ENPP1: variants seen among roughly 807,000 people sequenced by gnomAD.
ENPP1 encodes ectonucleotide pyrophosphatase/phosphodiesterase family member 1.
ENPP1 carries 73 observed loss-of-function variants against 122.8 expected under a neutral mutation model. The observed-to-expected ratio is 0.59, with a 90% CI of 0.49 to 0.72. The LOEUF is 0.72. Ranked by LOEUF, ENPP1 falls within the 30% of genes least tolerant of loss-of-function variation. The pLI, the probability that ENPP1 is intolerant of heterozygous loss-of-function variation, is 0.00. For missense variants in ENPP1, 978 were observed against 1,128.1 expected (o/e 0.87, Z 1.91); for synonymous variants, 367 against 391.6 (o/e 0.94, Z 0.74).
intron 11 of ENPP1, among the ~76,000 whole-genome samples, chr6:131,867,225 G>A (rs934562422): frequency 6.6e-6 from 1 of 152,162 alleles, no homozygotes; most frequent in Admixed American, 6.6e-5. Context: ...CAGTGAAAGA[G>A]CTTATCTCAT....
intron 21 of ENPP1, 149 bp from the exon 22 acceptor site, chr6:131,883,545 A>G (rs759747749): frequency 1.0e-4 from 54 of 541,024 alleles, no homozygotes; most frequent in Non-Finnish European, 1.7e-4. Context: ...AACACATTAC[A>G]TTTTCCCTTG....
intron 18 of ENPP1, 119 bp from the exon 19 acceptor site, chr6:131,878,423 C>T: frequency 4.1e-6 from 3 of 735,394 alleles, no homozygotes; most frequent in South Asian, 3.0e-5. Flanking sequence ...TCCACTAATA[C>T]AAGACTATCA....
chr6:131,876,695 A>C (rs1186810636), intron 17 of ENPP1, among the ~76,000 whole-genome samples: 1 of 152,212 alleles, frequency 6.6e-6, no homozygotes, highest in Admixed American at 6.5e-5. Flanking sequence ...AATAAATAAG[A>C]AAATATGTTA....
At position 131,895,000 on chromosome 6, in the gene ENPP1, C is replaced by CATTA; in HGVS notation, c.*4491_*4494dup. ...CTTTTCACATGAGTGCTTTCATAAG[C>CATTA]ATTAAGTAAAATTTTATAATGACTG... On this transcript the variant is annotated 3_prime_UTR_variant, in exon 25 of 25. Coordinates refer to ENST00000647893, the MANE Select transcript of ENPP1 (RefSeq NM_006208.3). 1 of 152,328 alleles carries CATTA rather than the reference C, an allele frequency of 6.6e-6. No homozygotes were observed. Among genetic ancestry groups the CATTA allele is most frequent in the East Asian group, 1.9e-4 (1 of 5,190 alleles). 9.4% of individuals were successfully genotyped at this position (152,328 alleles called of 1,614,324 possible).
chr6:131,888,235 CTTT>C (rs58493790), intron 24 of ENPP1, among the ~76,000 whole-genome samples: 3 of 139,458 alleles, frequency 2.2e-5, no homozygotes, highest in Admixed American at 7.2e-5. Flanking sequence ...CCTACATTTC[CTTT>C]TTTTTTTTTT....
intron 4 of ENPP1, 146 bp from the exon 5 acceptor site, chr6:131,852,029 T>C (rs1160475950): frequency 3.3e-6 from 2 of 607,522 alleles, no homozygotes; most frequent in Admixed American, 5.5e-5. Context: ...TCTTTATTGA[T>C]TATACACCTC....
chr6:131,874,253 A>G lies in ENPP1; in HGVS notation c.1566-15A>G, dbSNP rs1782199430. 8 of 1,431,926 alleles carry G rather than the reference A, an allele frequency of 5.6e-6. No individual in the cohort carries two copies. The highest frequency in any genetic ancestry group is 2.3e-5 in the East Asian group (1 of 43,882). 88.7% of individuals were successfully genotyped at this position (1,431,926 alleles called of 1,614,324 possible). A position where few individuals can be genotyped will look rare whatever the true frequency, so the allele number is the denominator to read the frequency against. On this transcript the variant is annotated splice_polypyrimidine_tract_variant and intron_variant, in intron 15 of 24. Coordinates refer to ENST00000647893, the MANE Select transcript of ENPP1 (RefSeq NM_006208.3). ...AAAGGACTTTACATTTTTAATTCAT[A>G]TATGTCAACATTAGGAATCCCTCAG...
At chr6:131,886,358 T>C (rs1198344701) in intron 23 of ENPP1, among the ~76,000 whole-genome samples, 1 of 152,318 alleles carries the variant, frequency 6.6e-6, no homozygotes, top group Non-Finnish European at 1.5e-5. Context: ...TAAAAATTAT[T>C]TGGAGTGTGT....
chr6:131,885,153 T>C, intron 23 of ENPP1, 90 bp downstream of exon 23: 1 of 1,252,758 alleles, frequency 8.0e-7, no homozygotes, highest in Non-Finnish European at 1.2e-6. Context: ...GAACCTTTTT[T>C]ATCCAGTGTC....
intron 1 of ENPP1, among the ~76,000 whole-genome samples, chr6:131,843,315 T>G (rs1781764033): frequency 1.3e-5 from 2 of 152,238 alleles, no homozygotes; most frequent in African/African-American, 4.8e-5. Flanking sequence ...GTCATACTTT[T>G]GTTTCAGTTC....
At chr6:131,844,948 T>C (rs1781787419) in intron 1 of ENPP1, among the ~76,000 whole-genome samples, 1 of 152,018 alleles carries the variant, frequency 6.6e-6, no homozygotes, top group South Asian at 2.1e-4. Context: ...ATTCTCACTC[T>C]GTATTGTGAG....
At chr6:131,874,688 G>A (rs560054987) in intron 16 of ENPP1, among the ~76,000 whole-genome samples, 1 of 152,054 alleles carries the variant, frequency 6.6e-6, no homozygotes, top group African/African-American at 2.4e-5. Flanking sequence ...CCACTACTGG[G>A]TATCTACCCA....
intron 1 of ENPP1, chr6:131,827,847 A>C (rs1448084544): frequency 1.4e-6 from 2 of 1,392,120 alleles, no homozygotes; most frequent in African/African-American, 2.8e-5. Flanking sequence ...CTGAGGACGA[A>C]AGCAAAATCT....
rs1460147146 is a variant in ENPP1 at position 131,891,161 on chromosome 6, A to T, written c.*650A>T. 4.6e-5 allele frequency: 7 copies of T among 152,240 alleles called. No individual in the cohort carries two copies. The highest frequency in any genetic ancestry group is 1.5e-5 in the Non-Finnish European group (1 of 68,102). The allele number at this position is 152,240 out of a possible 1,614,324, so 9.4% of individuals were successfully genotyped here. A position where few individuals can be genotyped will look rare whatever the true frequency, so the allele number is the denominator to read the frequency against. On this transcript the variant is annotated 3_prime_UTR_variant, in exon 25 of 25. Transcript: ENST00000647893. ...CAAATGAGTTCAACTTTGAGGGACGATCTTTGAATATACTTACCTATTATA... is the reference window on the plus strand; with the variant it reads ...CAAATGAGTTCAACTTTGAGGGACGTTCTTTGAATATACTTACCTATTATA...
chr6:131,826,037 T>G, intron 1 of ENPP1: 1 of 752,880 alleles, frequency 1.3e-6, no homozygotes, highest in Non-Finnish European at 2.5e-6. Flanking sequence ...GGAAGAGTAT[T>G]GAGCAAATTC....
At chr6:131,808,400 T>G (rs756779793) in intron 1 of ENPP1, 125 bp downstream of exon 1, 197 of 1,218,124 alleles carry the variant, frequency 1.6e-4, no homozygotes, top group Non-Finnish European at 2.1e-4. Flanking sequence ...CGGGAGTGCT[T>G]CTTCGCCCGC....
At position 131,877,063 on chromosome 6, in the gene ENPP1, G is replaced by A. The variant is rs909826438; in HGVS notation, c.1795G>A (p.Val599Ile). ...TCTTAACCACCTTCTAAAGAATCCT[G>A]TTTATACGCCAAAGCATCCCAAAGA... ...GSLNHLLKNP[V>I]YTPKHPKEVH... The change falls in exon 18 of 25, where the codon GTT becomes ATT. Residue 599 changes from valine to isoleucine, a missense_variant. Physicochemically the swap from Val to Ile is conservative, Grantham distance 29. Around this residue, in one of 3 missense-constraint regions of ENPP1, gnomAD observed 644 missense variants for 781.5 expected, o/e 0.82. Transcript: ENST00000647893. 1 of 1,614,042 alleles carries A rather than the reference G, an allele frequency of 6.2e-7. No individual in the cohort carries two copies. Among genetic ancestry groups the A allele is most frequent in the African/African-American group, 1.3e-5 (1 of 75,014 alleles).
chr6:131,880,346 G>A (rs758305325), intron 20 of ENPP1, among the ~76,000 whole-genome samples: 2 of 152,032 alleles, frequency 1.3e-5, no homozygotes, highest in Non-Finnish European at 2.9e-5. Context: ...GGCAGATCAC[G>A]AGGTCAGGAG....
Position 131,895,028 on chromosome 6 carries a change from G to C in ENPP1, c.*4517G>C, listed in dbSNP as rs1229627924. The C allele has an allele frequency of 3.3e-5, 5 of 152,238 alleles. No homozygotes were observed. The highest frequency in any genetic ancestry group is 7.3e-5 in the Non-Finnish European group (5 of 68,052). The allele number at this position is 152,238 out of a possible 1,614,324, so 9.4% of individuals were successfully genotyped here. A position where few individuals can be genotyped will look rare whatever the true frequency, so the allele number is the denominator to read the frequency against. On this transcript the variant is annotated 3_prime_UTR_variant, in exon 25 of 25. Coordinates refer to ENST00000647893, the MANE Select transcript of ENPP1 (RefSeq NM_006208.3). ...TAAGTAAAATTTTATAATGACTGCA[G>C]TCCAAGGACATTTTCCCTGGTTTTT...
Sources: allele counts gnomAD v4.1 joint callset (sites outside exome capture counted in the v4.1 genomes callset), GRCh38; gene constraint gnomAD v4.1.1; regional missense constraint gnomAD v4.1.1; transcripts MANE v1.5; gene names NCBI Gene and HGNC (gene_info 2026-07-23, HGNC 2026-07-21).